The following RBM6 variants were observed in gnomAD, a reference collection of about 807,000 sequenced individuals.
RBM6 encodes RNA binding motif protein 6.
In RBM6, 23 loss-of-function variants were observed where a neutral mutation model predicts 140.4. That is an observed-to-expected ratio of 0.16 (90% CI 0.12 to 0.23). The LOEUF is 0.23. Among genes scored for constraint, RBM6 ranks in the 10% least tolerant of loss-of-function variants. The pLI is 1.00. For synonymous variants in RBM6, 439 were observed against 475.6 expected (o/e 0.92, Z 1.00); for missense variants, 1,139 against 1,386.7 (o/e 0.82, Z 2.84).
At chr3:49,959,680 C>T (rs528351055) in intron 1 of RBM6, among the ~76,000 whole-genome samples, 3 of 150,386 alleles carry the variant, frequency 2.0e-5, no homozygotes, top group East Asian at 3.9e-4. Context: ...AAGTCATTCT[C>T]CTGCCTCAGC....
At chr3:49,956,045 G>T (rs1474635699) in intron 1 of RBM6, among the ~76,000 whole-genome samples, 1 of 148,224 alleles carries the variant, frequency 6.7e-6, no homozygotes, top group Non-Finnish European at 1.5e-5. Flanking sequence ...TTTTTTGAGA[G>T]CATGAGACTG....
intron 5 of RBM6, among the ~76,000 whole-genome samples, chr3:49,993,996 T>C (rs1234627559): frequency 6.6e-6 from 1 of 152,242 alleles, no homozygotes; most frequent in Non-Finnish European, 1.5e-5. Context: ...AATTTTATCC[T>C]TCCCTGATGA....
rs368727588 is a variant in RBM6, at chr3:49,969,940, G to GT, written c.1323+1203dup. Among the ~76,000 whole-genome samples the GT allele has an allele frequency of 9.6e-3, 1,408 of 146,708 alleles. 11 individuals carry two copies. The highest frequency in any genetic ancestry group is 0.023 in the African/African-American group (917 of 40,248). On this transcript the variant is annotated intron_variant, in intron 3 of 20. Coordinates refer to ENST00000266022, the MANE Select transcript of RBM6 (RefSeq NM_005777.3). ...TATTTCACCATTCCTAGTTAGTTGT[G>GT]TTTTTTTTTTTCTTTTTTGAGATGG... is the stretch of plus-strand genomic sequence containing the variant.
intron 6 of RBM6, among the ~76,000 whole-genome samples, chr3:50,026,567 G>A (rs1395229467): frequency 6.7e-6 from 1 of 150,242 alleles, no homozygotes; most frequent in Non-Finnish European, 1.5e-5. Context: ...TTTTAGTAAA[G>A]CCAGAGTCCC....
At chr3:49,983,196 A>G (rs1334712800) in intron 5 of RBM6, among the ~76,000 whole-genome samples, 1 of 152,182 alleles carries the variant, frequency 6.6e-6, no homozygotes, top group African/African-American at 2.4e-5. Flanking sequence ...ATTATTCACA[A>G]TTTAAATATT....
At chr3:50,011,198 T>A (rs1016059850) in intron 6 of RBM6, among the ~76,000 whole-genome samples, 1 of 151,698 alleles carries the variant, frequency 6.6e-6, no homozygotes, top group African/African-American at 2.4e-5. Context: ...CTAGCCTGAA[T>A]GACAGAGCAA....
intron 6 of RBM6, among the ~76,000 whole-genome samples, chr3:50,007,889 A>G (rs147845327): frequency 1.2e-4 from 18 of 152,318 alleles, no homozygotes; most frequent in Non-Finnish European, 2.4e-4. Context: ...TACCACATGG[A>G]GTATGTTTAG....
intron 15 of RBM6, among the ~76,000 whole-genome samples, chr3:50,062,928 C>G (rs1269188964): frequency 7.3e-6 from 1 of 136,618 alleles, no homozygotes; most frequent in African/African-American, 2.7e-5. Flanking sequence ...AAGTCTTCCT[C>G]TGTCTCCCAG....
intron 1 of RBM6, among the ~76,000 whole-genome samples, chr3:49,956,257 A>G (rs1356324036): frequency 2.7e-5 from 4 of 150,830 alleles, no homozygotes; most frequent in Non-Finnish European, 4.4e-5. Flanking sequence ...CTGGGTTCAA[A>G]CAATCTACCT....
intron 5 of RBM6, among the ~76,000 whole-genome samples, chr3:49,994,227 CT>C (rs1464692084): frequency 6.6e-6 from 1 of 152,004 alleles, no homozygotes; most frequent in Non-Finnish European, 1.5e-5. Context: ...CCACACCTGG[CT>C]AATTTTTTCT....
intron 15 of RBM6, among the ~76,000 whole-genome samples, chr3:50,062,469 A>G (rs1026013227): frequency 8.0e-5 from 12 of 150,178 alleles, no homozygotes; most frequent in African/African-American, 2.9e-4. Context: ...GCGCCACTAC[A>G]CTCCAGCCTG....
At chr3:49,944,972 G>A (rs2083425321) in intron 1 of RBM6, among the ~76,000 whole-genome samples, 1 of 151,338 alleles carries the variant, frequency 6.6e-6, no homozygotes, top group African/African-American at 2.4e-5. Flanking sequence ...CGCCTCCTGG[G>A]TTCTTGCCAT....
intron 20 of RBM6, 25 bp downstream of exon 20, chr3:50,075,355 G>T (rs370767337): frequency 6.2e-7 from 1 of 1,602,744 alleles, no homozygotes; most frequent in Non-Finnish European, 8.5e-7. Flanking sequence ...ATCTTTTGGG[G>T]GGTGACATGA....
chr3:50,062,054 G>T lies in RBM6; in HGVS notation c.2532G>T (p.Lys844Asn), dbSNP rs757950136. The T allele has an allele frequency of 5.0e-5, 80 of 1,614,080 alleles. No homozygotes were observed. Among genetic ancestry groups the T allele is most frequent in the Non-Finnish European group, 6.5e-5 (77 of 1,179,982 alleles). ...CCAGTCAAGGAAAGTCAAGTAGCAA[G>T]AAGGAAATGTCTAAAAGAGATGGCA... is the stretch of plus-strand genomic sequence containing the variant. ...KPTSQGKSSSKKEMSKRDGKE... is the reference protein window; with the variant it reads ...KPTSQGKSSSNKEMSKRDGKE... Residue 844 changes from lysine (K) to asparagine (N), a missense_variant, in exon 15 of 21, where the codon AAG becomes AAT. Physicochemically the swap from Lys to Asn is moderately conservative, Grantham distance 94. Transcript: ENST00000266022.
chr3:49,985,996 A>G (rs1575614696), intron 5 of RBM6, among the ~76,000 whole-genome samples: 1 of 144,380 alleles, frequency 6.9e-6, no homozygotes, highest in African/African-American at 2.6e-5. Flanking sequence ...AATTATTATT[A>G]TTATTTTGAG....
intron 1 of RBM6, among the ~76,000 whole-genome samples, chr3:49,948,079 C>T (rs1460343981): frequency 1.3e-5 from 2 of 151,618 alleles, no homozygotes; most frequent in Admixed American, 1.3e-4. Context: ...GGCGACAGAG[C>T]GAGACATGAG....
intron 5 of RBM6, among the ~76,000 whole-genome samples, chr3:49,987,105 C>T (rs149308156): frequency 6.6e-6 from 1 of 151,698 alleles, no homozygotes; most frequent in Non-Finnish European, 1.5e-5. Context: ...CAGAGTCTCT[C>T]TCTGTCCTCC....
intron 1 of RBM6, among the ~76,000 whole-genome samples, chr3:49,953,364 C>T (rs1249754998): frequency 6.6e-6 from 1 of 151,898 alleles, no homozygotes; most frequent in African/African-American, 2.4e-5. Context: ...GGACTACAGG[C>T]GTGTGCCACC....
At chr3:50,073,516 C>T (rs2090367277) in intron 19 of RBM6, among the ~76,000 whole-genome samples, 1 of 152,172 alleles carries the variant, frequency 6.6e-6, no homozygotes, top group Admixed American at 6.5e-5. Context: ...CCTGAAGTTT[C>T]ACCTCTCAAT....
Sources: gnomAD v4.1 joint callset for allele counts (sites outside exome capture counted in the v4.1 genomes callset) on GRCh38, gnomAD v4.1.1 for gene constraint, MANE v1.5 for transcripts, NCBI Gene and HGNC (gene_info 2026-07-23, HGNC 2026-07-21) for gene names.